Variants in NDUFS4 observed in about 807,000 individuals in gnomAD.
The protein encoded by NDUFS4 is NADH:ubiquinone oxidoreductase subunit S4.
In NDUFS4, 28 loss-of-function variants were observed where a neutral mutation model predicts 24.3. The observed-to-expected ratio is 1.15, with a 90% CI of 0.85 to 1.58. NDUFS4 has a LOEUF of 1.58. NDUFS4 is among the 40% of genes most tolerant of loss of function. The probability of loss-of-function intolerance (pLI) is 0.00; values close to 1 mark genes in which losing one functional copy is unlikely to be tolerated. For synonymous variants in NDUFS4, 93 were observed against 69.7 expected, an observed-to-expected ratio of 1.34 and a Z score of -1.67; for missense variants, 223 against 207.9, an observed-to-expected ratio of 1.07 and a Z score of -0.45.
intron 3 of NDUFS4, among the ~76,000 whole-genome samples, chr5:53,654,704 A>T (rs867046723): frequency 6.6e-6 from 1 of 152,210 alleles, no homozygotes; most frequent in Non-Finnish European, 1.5e-5. Context: ...AAACTCATTC[A>T]CTTGCCGTTC....
At chr5:53,593,600 C>CT (rs200245144) in intron 1 of NDUFS4, among the ~76,000 whole-genome samples, 18,667 of 144,548 alleles carry the variant, frequency 0.13, 1,219 homozygotes, top group African/African-American at 0.16. Context: ...TTATGTTGCC[C>CT]TTTTTTTTTT....
At chr5:53,661,573 T>A (rs1752344602) in intron 4 of NDUFS4, among the ~76,000 whole-genome samples, 1 of 152,194 alleles carries the variant, frequency 6.6e-6, no homozygotes, top group Admixed American at 6.5e-5. Flanking sequence ...TGGCATTGAA[T>A]CTATAAGTTA....
intron 1 of NDUFS4, among the ~76,000 whole-genome samples, chr5:53,579,944 C>A (rs759936069): frequency 1.2e-4 from 19 of 152,152 alleles, no homozygotes; most frequent in Non-Finnish European, 1.5e-4. Context: ...AACAAATTGT[C>A]CCCTGGAGCC....
chr5:53,569,600 T>G (rs1010402278), intron 1 of NDUFS4, among the ~76,000 whole-genome samples: 1 of 152,152 alleles, frequency 6.6e-6, no homozygotes, highest in Non-Finnish European at 1.5e-5. Flanking sequence ...GTTTGGTGAC[T>G]TTCTGATAAC....
Position 53,635,369 on chromosome 5 carries a change from A to T in NDUFS4, c.178-10864A>T, listed in dbSNP as rs76675908. 7.2e-3 allele frequency among the ~76,000 whole-genome samples: 1,099 copies of T among 151,834 alleles called. 14 individuals carry two copies. The highest frequency in any genetic ancestry group is 0.025 in the African/African-American group (1,048 of 41,386). On this transcript the variant is annotated intron_variant, in intron 2 of 4. Transcript: ENST00000296684. Reference sequence around the variant, plus strand: ...TCTACAAAAAAAAAAAAATGCAAAAAATTAGCCAGGCAGGGAGGCATGTGC... The same window carrying T: ...TCTACAAAAAAAAAAAAATGCAAAATATTAGCCAGGCAGGGAGGCATGTGC...
intron 1 of NDUFS4, chr5:53,573,808 T>C (rs1749298523): frequency 4.3e-6 from 1 of 233,196 alleles, no homozygotes; most frequent in African/African-American, 2.3e-5. Flanking sequence ...CCCATGCTTG[T>C]CTCAAACTCC....
At chr5:53,590,848 T>C (rs1160721281) in intron 1 of NDUFS4, among the ~76,000 whole-genome samples, 1 of 152,214 alleles carries the variant, frequency 6.6e-6, no homozygotes, top group Non-Finnish European at 1.5e-5. Flanking sequence ...TACATTCACA[T>C]TGTTGTGCAA....
chr5:53,662,026 A>G (rs1376642477), intron 4 of NDUFS4, among the ~76,000 whole-genome samples: 1 of 152,106 alleles, frequency 6.6e-6, no homozygotes, highest in Non-Finnish European at 1.5e-5. Flanking sequence ...AGAACTTCCA[A>G]CACTATGTTG....
chr5:53,679,878 T>A (rs1185768204), intron 4 of NDUFS4, among the ~76,000 whole-genome samples: 1 of 152,140 alleles, frequency 6.6e-6, no homozygotes, highest in African/African-American at 2.4e-5. Context: ...ATTTTCCAGC[T>A]ATCATTATAA....
chr5:53,654,002 C>T (rs1752093316), intron 3 of NDUFS4, among the ~76,000 whole-genome samples: 1 of 152,022 alleles, frequency 6.6e-6, no homozygotes, highest in Non-Finnish European at 1.5e-5. Context: ...ACAATAGTGG[C>T]AGTTTGTTTT....
intron 4 of NDUFS4, among the ~76,000 whole-genome samples, chr5:53,662,595 G>T (rs1752377849): frequency 6.6e-6 from 1 of 152,020 alleles, no homozygotes; most frequent in African/African-American, 2.4e-5. Context: ...TGTACCTCTG[G>T]TAGAATTCGG....
chr5:53,654,877 C>G (rs1237117214), intron 3 of NDUFS4, among the ~76,000 whole-genome samples: 1 of 152,166 alleles, frequency 6.6e-6, no homozygotes, highest in Non-Finnish European at 1.5e-5. Context: ...ATTAAATAGG[C>G]TTTGCTCATA....
intron 1 of NDUFS4, among the ~76,000 whole-genome samples, chr5:53,578,395 T>C (rs1749453591): frequency 1.3e-5 from 2 of 152,210 alleles, no homozygotes; most frequent in Admixed American, 1.3e-4. Context: ...TGGGAAAGAC[T>C]ACTTTCTAGA....
intron 1 of NDUFS4, among the ~76,000 whole-genome samples, chr5:53,585,658 C>T (rs1328532394): frequency 1.3e-5 from 2 of 151,710 alleles, no homozygotes; most frequent in East Asian, 1.9e-4. Context: ...AGGAGAATTA[C>T]TTGAACCTGG....
At chr5:53,679,624 T>C (rs1197711582) in intron 4 of NDUFS4, among the ~76,000 whole-genome samples, 3 of 152,190 alleles carry the variant, frequency 2.0e-5, no homozygotes, top group Non-Finnish European at 2.9e-5. Context: ...TCTGATGTAG[T>C]ACAGAGAATT....
intron 2 of NDUFS4, among the ~76,000 whole-genome samples, chr5:53,624,759 C>G (rs1291645893): frequency 6.6e-6 from 1 of 152,074 alleles, no homozygotes; most frequent in African/African-American, 2.4e-5. Flanking sequence ...TCACATATGT[C>G]ATCTGGGAAC....
At chr5:53,569,610 C>T (rs1749146778) in intron 1 of NDUFS4, among the ~76,000 whole-genome samples, 1 of 152,054 alleles carries the variant, frequency 6.6e-6, no homozygotes, top group Non-Finnish European at 1.5e-5. Flanking sequence ...TTTCTGATAA[C>T]CCCAGAAAAC....
intron 2 of NDUFS4, among the ~76,000 whole-genome samples, chr5:53,629,355 A>G (rs192245031): frequency 3.2e-4 from 49 of 152,106 alleles, no homozygotes; most frequent in Non-Finnish European, 6.2e-4. Context: ...TGTATATTCT[A>G]TTGATTTGGG....
chr5:53,679,920 C>A (rs749332002), intron 4 of NDUFS4, among the ~76,000 whole-genome samples: 1 of 152,118 alleles, frequency 6.6e-6, no homozygotes, highest in African/African-American at 2.4e-5. Context: ...GAAACCATTT[C>A]CTTCCTCACA....
Sources: gnomAD v4.1 joint callset for allele counts (sites outside exome capture counted in the v4.1 genomes callset) on GRCh38, gnomAD v4.1.1 for gene constraint, MANE v1.5 for transcripts, NCBI Gene and HGNC (gene_info 2026-07-23, HGNC 2026-07-21) for gene names.